TMEM106B: variants seen among roughly 807,000 people sequenced by gnomAD.
The protein encoded by TMEM106B is transmembrane protein 106B.
Under a neutral mutation model 31.1 loss-of-function variants are expected in TMEM106B, and 15 were observed. That is an observed-to-expected ratio of 0.48 (90% CI 0.32 to 0.74). TMEM106B has a LOEUF of 0.74. Ranked by LOEUF, TMEM106B falls within the 30% of genes least tolerant of loss-of-function variation. The pLI, the probability that TMEM106B is intolerant of heterozygous loss-of-function variation, is 0.03. For synonymous variants in TMEM106B, 126 were observed against 112.5 expected (o/e 1.12, Z -0.76); for missense variants, 283 against 327.3 (o/e 0.86, Z 1.04).
chr7:12,227,989 C>T (rs536653563), intron 4 of TMEM106B, among the ~76,000 whole-genome samples: 4,369 of 151,926 alleles, frequency 0.029, 209 homozygotes, highest in African/African-American at 0.1. Context: ...TTCCAAGATT[C>T]TTCTAAATTT....
chr7:12,229,493 G>C (rs1230523745), intron 4 of TMEM106B, among the ~76,000 whole-genome samples, 186 bp from the exon 5 acceptor site: 2 of 151,668 alleles, frequency 1.3e-5, no homozygotes, highest in Non-Finnish European at 2.9e-5. Flanking sequence ...TTTTATTCTT[G>C]GCATATTACA....
rs768805324 is a variant in TMEM106B at position 12,232,934 on chromosome 7, G to A, written c.*959G>A. 1.1e-4 allele frequency: 17 copies of A among 151,674 alleles called. No individual in the cohort carries two copies. The highest frequency in any genetic ancestry group is 1.8e-4 in the Non-Finnish European group (12 of 67,714). 9.4% of individuals were successfully genotyped at this position (151,674 alleles called of 1,614,324 possible). ...ATGTTGCTTTTCATACTAAAGAATG[G>A]TGTAGACATGTTTTGCAACTGTTAG... On this transcript the variant is annotated 3_prime_UTR_variant, in exon 8 of 8. Transcript: ENST00000396668.
chr7:12,214,525 T>G, intron 1 of TMEM106B: 1 of 328,374 alleles, frequency 3.0e-6, no homozygotes, highest in East Asian at 5.8e-5. Flanking sequence ...TGAATTAATG[T>G]ATACCTTACA....
At chr7:12,222,432 T>A (rs1781806245) in intron 3 of TMEM106B, among the ~76,000 whole-genome samples, 1 of 152,200 alleles carries the variant, frequency 6.6e-6, no homozygotes, top group Admixed American at 6.5e-5. Context: ...CAGAGTAATT[T>A]AGAACATGAT....
At position 12,230,449 on chromosome 7, in the gene TMEM106B, AT is replaced by A; in HGVS notation, c.632+14del. 6.6e-7 allele frequency: 1 copy of A among 1,512,596 alleles called. No individual in the cohort carries two copies. 93.7% of individuals were successfully genotyped at this position (1,512,596 alleles called of 1,614,324 possible). On this transcript the variant is annotated intron_variant, in intron 6 of 7. Coordinates refer to ENST00000396668, the MANE Select transcript of TMEM106B (RefSeq NM_001134232.2). ...AATGAGTTATATGTAGTAAGTTCTG[AT>A]TTATAATAACTTTTTATTGTCAAAT...
chr7:12,220,182 T>TA (rs931709942), intron 3 of TMEM106B, among the ~76,000 whole-genome samples: 5 of 152,186 alleles, frequency 3.3e-5, no homozygotes, highest in African/African-American at 1.2e-4. Context: ...GACCTTTTAT[T>TA]ACAAAATGTA....
intron 1 of TMEM106B, among the ~76,000 whole-genome samples, chr7:12,212,225 A>G (rs552624538): frequency 1.4e-3 from 210 of 152,246 alleles, no homozygotes; most frequent in African/African-American, 4.9e-3. Flanking sequence ...TTTTTTCTCA[A>G]CGCGCTCCAG....
In TMEM106B at chr7:12,241,610, C is replaced by CATGGTGTAT. The variant is rs1782238261; in HGVS notation, c.*9638_*9646dup. On this transcript the variant is annotated 3_prime_UTR_variant, in exon 8 of 8. Transcript: ENST00000396668. The stretch of plus-strand genomic sequence containing the variant: ...CCTTTTTTATGGCTGCATAGTATTC[C>CATGGTGTAT]ATGGTGTATATATGCCACATTTTCT... 1 of 152,172 alleles carries CATGGTGTAT rather than the reference C, an allele frequency of 6.6e-6. No individual in the cohort carries two copies. The highest frequency in any genetic ancestry group is 1.5e-5 in the Non-Finnish European group (1 of 68,044). 9.4% of individuals were successfully genotyped at this position (152,172 alleles called of 1,614,324 possible). A position where few individuals can be genotyped will look rare whatever the true frequency, so the allele number is the denominator to read the frequency against.
chr7:12,226,813 G>A (rs1347122419), intron 4 of TMEM106B, among the ~76,000 whole-genome samples: 4 of 152,052 alleles, frequency 2.6e-5, no homozygotes, highest in Non-Finnish European at 4.4e-5. Context: ...TGAATAAAAC[G>A]TTTGTAACAC....
Position 12,235,434 on chromosome 7 carries a change from T to G in TMEM106B, c.*3459T>G, listed in dbSNP as rs1782112820. 1 of 152,088 alleles carries G rather than the reference T, an allele frequency of 6.6e-6. No individual in the cohort carries two copies. The highest frequency in any genetic ancestry group is 6.6e-5 in the Admixed American group (1 of 15,230). The allele number at this position is 152,088 out of a possible 1,614,324, so 9.4% of individuals were successfully genotyped here. A position where few individuals can be genotyped will look rare whatever the true frequency, so the allele number is the denominator to read the frequency against. On this transcript the variant is annotated 3_prime_UTR_variant, in exon 8 of 8. Coordinates refer to ENST00000396668, the MANE Select transcript of TMEM106B (RefSeq NM_001134232.2). The stretch of plus-strand genomic sequence containing the variant: ...CTTGTTAGGCCAGTGAAGCAATTAT[T>G]TTCTCTAAGAAAATGACAATAAAAT...
At position 12,232,677 on chromosome 7, in the gene TMEM106B, A is replaced by G. The variant is rs1472978820; in HGVS notation, c.*702A>G. 1 of 152,320 alleles carries G rather than the reference A, an allele frequency of 6.6e-6. No individual in the cohort carries two copies. Among genetic ancestry groups the G allele is most frequent in the African/African-American group, 2.4e-5 (1 of 41,444 alleles). 9.4% of individuals were successfully genotyped at this position (152,320 alleles called of 1,614,324 possible). On this transcript the variant is annotated 3_prime_UTR_variant, in exon 8 of 8. Coordinates refer to ENST00000396668, the MANE Select transcript of TMEM106B (RefSeq NM_001134232.2). ...TTTGTGAAATCTTTGTGTGATCTTC[A>G]AACATTATCATTTAATGTACAATAC...
At chr7:12,231,259 C>G (rs1782016356) in intron 7 of TMEM106B, 144 bp downstream of exon 7, 2 of 582,224 alleles carry the variant, frequency 3.4e-6, no homozygotes, top group Non-Finnish European at 6.0e-6. Context: ...TAAATATCAC[C>G]CACTTTAAAA....
chr7:12,241,562 C>T lies in TMEM106B; in HGVS notation c.*9587C>T, dbSNP rs904979952. The T allele has an allele frequency of 6.6e-6, 1 of 152,138 alleles. No individual in the cohort carries two copies. The highest frequency in any genetic ancestry group is 1.5e-5 in the Non-Finnish European group (1 of 68,060). 9.4% of individuals were successfully genotyped at this position (152,138 alleles called of 1,614,324 possible). ...TGATGGTTTCCAGCTTCATCCATATCCCTGAAAAGGACATGAACTCATCCT... is the reference window on the plus strand; with the variant it reads ...TGATGGTTTCCAGCTTCATCCATATTCCTGAAAAGGACATGAACTCATCCT... On this transcript the variant is annotated 3_prime_UTR_variant, in exon 8 of 8. Transcript: ENST00000396668.
Position 12,233,668 on chromosome 7 carries a change from T to G in TMEM106B, c.*1693T>G, listed in dbSNP as rs912407467. 1 of 151,270 alleles carries G rather than the reference T, an allele frequency of 6.6e-6. No homozygotes were observed. Among genetic ancestry groups the G allele is most frequent in the Non-Finnish European group, 1.5e-5 (1 of 67,572 alleles). 9.4% of individuals were successfully genotyped at this position (151,270 alleles called of 1,614,324 possible). On this transcript the variant is annotated 3_prime_UTR_variant, in exon 8 of 8. Transcript: ENST00000396668. ...AGTCCTTTAAGTTCATTATGGCCTTTCTAGTATTTAAAAAAAAAAAAATCA... is the reference window on the plus strand; with the variant it reads ...AGTCCTTTAAGTTCATTATGGCCTTGCTAGTATTTAAAAAAAAAAAAATCA...
chr7:12,218,458 G>A lies in TMEM106B; in HGVS notation c.218G>A (p.Gly73Glu), dbSNP rs776964900. ...TCQGTGRIPR[G>E]QENQLVALIP... ...CTGAACTTACTTCTTTCACATTTAGGGCAAGAAAACCAACTGGTGGCATTG... is the reference window on the plus strand; with the variant it reads ...CTGAACTTACTTCTTTCACATTTAGAGCAAGAAAACCAACTGGTGGCATTG... The change falls in exon 3 of 8, where the codon GGG becomes GAG. Residue 73 changes from glycine (G) to glutamate (E), a missense_variant and splice_region_variant. By Grantham distance (98) the Gly-to-Glu change is moderately conservative. Transcript: ENST00000396668. 2 of 1,611,124 alleles carry A rather than the reference G, an allele frequency of 1.2e-6. No homozygotes were observed. The highest frequency in any genetic ancestry group is 1.1e-5 in the South Asian group (1 of 90,682).
At chr7:12,231,670 T>C in intron 7 of TMEM106B, 167 bp from the exon 8 acceptor site, 1 of 523,440 alleles carries the variant, frequency 1.9e-6, no homozygotes, top group East Asian at 2.9e-5. Context: ...CCATTTTTGT[T>C]GTCTGTTGGG....
intron 1 of TMEM106B, among the ~76,000 whole-genome samples, chr7:12,212,564 TTC>T (rs1781601987): frequency 6.6e-6 from 1 of 152,128 alleles, no homozygotes; most frequent in South Asian, 2.1e-4. Flanking sequence ...GTTTTTTAAA[TTC>T]TGTTTATTTG....
rs1024312426 is a variant in TMEM106B, at chr7:12,237,536, C to G, written c.*5561C>G. 6.6e-6 allele frequency: 1 copy of G among 152,132 alleles called. No individual in the cohort carries two copies. Among genetic ancestry groups the G allele is most frequent in the African/African-American group, 2.4e-5 (1 of 41,426 alleles). The allele number at this position is 152,132 out of a possible 1,614,324, so 9.4% of individuals were successfully genotyped here. A position where few individuals can be genotyped will look rare whatever the true frequency, so the allele number is the denominator to read the frequency against. ...GATATATTGCAGGTTTGGTTCCACA[C>G]CATATCGATAAAGTGATATAATCAA... On this transcript the variant is annotated 3_prime_UTR_variant, in exon 8 of 8. Transcript: ENST00000396668.
chr7:12,235,403 C>G lies in TMEM106B; in HGVS notation c.*3428C>G, dbSNP rs1782111789. ...TATATTTTATTTGTGTACAGTTTTT[C>G]TGTGCCTTGTTAGGCCAGTGAAGCA... On this transcript the variant is annotated 3_prime_UTR_variant, in exon 8 of 8. Coordinates refer to ENST00000396668, the MANE Select transcript of TMEM106B (RefSeq NM_001134232.2). 6.6e-6 allele frequency: 1 copy of G among 152,136 alleles called. No individual in the cohort carries two copies. The highest frequency in any genetic ancestry group is 6.6e-5 in the Admixed American group (1 of 15,220). The allele number at this position is 152,136 out of a possible 1,614,324, so 9.4% of individuals were successfully genotyped here. A position where few individuals can be genotyped will look rare whatever the true frequency, so the allele number is the denominator to read the frequency against.
Sources: gnomAD v4.1 joint callset for allele counts (sites outside exome capture counted in the v4.1 genomes callset) on GRCh38, gnomAD v4.1.1 for gene constraint, MANE v1.5 for transcripts, NCBI Gene and HGNC (gene_info 2026-07-23, HGNC 2026-07-21) for gene names.